Variants in IFNAR2 observed in about 807,000 individuals in gnomAD.
IFNAR2 encodes interferon alpha/beta receptor 2.
In IFNAR2, 30 loss-of-function variants were observed where a neutral mutation model predicts 49.4. That is an observed-to-expected ratio of 0.61 (90% CI 0.45 to 0.82). IFNAR2 has a LOEUF of 0.82. IFNAR2 is among the 40% of genes least tolerant of loss of function. The pLI, the probability that IFNAR2 is intolerant of heterozygous loss-of-function variation, is 0.00. For missense variants in IFNAR2, 600 were observed against 622.7 expected, an observed-to-expected ratio of 0.96 and a Z score of 0.39; for synonymous variants, 224 against 234.5, an observed-to-expected ratio of 0.96 and a Z score of 0.41.
At chr21:33,261,034 C>CTTT (rs1568895677) in intron 8 of IFNAR2, among the ~76,000 whole-genome samples, 1 of 89,618 alleles carries the variant, frequency 1.1e-5, no homozygotes, top group Non-Finnish European at 2.2e-5. Flanking sequence ...TGTTTTCTTT[C>CTTT]CTTTTTTTTT....
intron 1 of IFNAR2, among the ~76,000 whole-genome samples, chr21:33,232,334 C>T (rs1018366633): frequency 2.6e-5 from 4 of 151,950 alleles, no homozygotes; most frequent in Non-Finnish European, 4.4e-5. Flanking sequence ...AGGTAATTGG[C>T]AGAGGAGGTT....
chr21:33,252,872 T>G, intron 7 of IFNAR2, 42 bp downstream of exon 7: 1 of 1,455,182 alleles, frequency 6.9e-7, no homozygotes, highest in Non-Finnish European at 9.7e-7. Context: ...GTATTCATGC[T>G]TTTACTCTGA....
rs201378646 is a variant in IFNAR2, at chr21:33,263,074, T to G, written c.1122T>G (p.Asp374Glu). The change falls in exon 9 of 9, where the codon GAT becomes GAG. Residue 374 changes from aspartate (D) to glutamate (E), a missense_variant. Coordinates refer to ENST00000342136, the MANE Select transcript of IFNAR2 (RefSeq NM_001289125.3). The part of the protein sequence containing the change: ...SEEEPDLPEV[D>E]VELPTMPKDS... ...AGGAGCCTGACCTGCCTGAGGTTGATGTGGAGCTCCCCACGATGCCAAAGG... is the reference window on the plus strand; with the variant it reads ...AGGAGCCTGACCTGCCTGAGGTTGAGGTGGAGCTCCCCACGATGCCAAAGG... 1.2e-6 allele frequency: 2 copies of G among 1,614,142 alleles called. No homozygotes were observed. The highest frequency in any genetic ancestry group is 2.7e-5 in the African/African-American group (2 of 75,022).
intron 7 of IFNAR2, among the ~76,000 whole-genome samples, chr21:33,254,051 C>CT (rs1369505934): frequency 6.6e-6 from 1 of 152,166 alleles, no homozygotes; most frequent in Non-Finnish European, 1.5e-5. Context: ...ATGGAAGTAT[C>CT]TTTAATGTTC....
rs148519443 is a variant in IFNAR2, at chr21:33,248,312, G to A, written c.395-397G>A. Among the ~76,000 whole-genome samples, 858 of 132,978 alleles carry A rather than the reference G, an allele frequency of 6.5e-3. 5 individuals are homozygous for A. The highest frequency in any genetic ancestry group is 0.023 in the African/African-American group (820 of 36,102). 87.2% of individuals were successfully genotyped at this position (132,978 alleles called of 152,430 possible). ...ACTTGAGCTCAGGAGTTCAAGACCA[G>A]CCCGAGCAACATGGGGAAACCCTAT... On this transcript the variant is annotated intron_variant, in intron 5 of 8. Transcript: ENST00000342136.
intron 2 of IFNAR2, 55 bp downstream of exon 2, chr21:33,242,032 C>G: frequency 6.5e-7 from 1 of 1,528,356 alleles, no homozygotes; most frequent in African/African-American, 1.4e-5. Flanking sequence ...ATGCCATCCT[C>G]ACTGAGAGCA....
intron 7 of IFNAR2, among the ~76,000 whole-genome samples, chr21:33,260,234 AC>A (rs1988473476): frequency 6.6e-6 from 1 of 152,170 alleles, no homozygotes; most frequent in Non-Finnish European, 1.5e-5. Flanking sequence ...GCGCATGCTA[AC>A]CAGTGTGGCT....
intron 7 of IFNAR2, among the ~76,000 whole-genome samples, chr21:33,253,956 G>C (rs1031298218): frequency 1.3e-5 from 2 of 152,148 alleles, no homozygotes; most frequent in African/African-American, 2.4e-5. Flanking sequence ...TGCCTAGACT[G>C]TCTGGGAATG....
intron 2 of IFNAR2, among the ~76,000 whole-genome samples, chr21:33,243,423 G>A (rs748873710): frequency 1.3e-5 from 2 of 152,110 alleles, no homozygotes; most frequent in Non-Finnish European, 2.9e-5. Context: ...GCAGAACAGG[G>A]ACCGTACATA....
chr21:33,243,796 G>A, intron 3 of IFNAR2, 82 bp downstream of exon 3: 1 of 988,848 alleles, frequency 1.0e-6, no homozygotes, highest in South Asian at 1.3e-5. Flanking sequence ...TAAAATGTGG[G>A]AGATTTGATT....
Position 33,248,800 on chromosome 21 carries a change from A to G in IFNAR2, c.486A>G (p.Leu162=). The change falls in exon 6 of 9, where the codon TTA becomes TTG. Residue 162 remains leucine, a synonymous_variant. Transcript: ENST00000342136. The stretch of plus-strand genomic sequence containing the variant: ...TTCCATCTATTGTTGAGGAAGAATT[A>G]CAGTTTGATTTATCTCTCGTCATTG... ...VKFPSIVEEE[L]QFDLSLVIEE... 6.2e-7 allele frequency: 1 copy of G among 1,611,342 alleles called. No homozygotes were observed. The highest frequency in any genetic ancestry group is 1.1e-5 in the South Asian group (1 of 90,604).
rs17860135 is a variant in IFNAR2, at chr21:33,234,485, A to G, written c.-84+4269A>G. Among the ~76,000 whole-genome samples the G allele has an allele frequency of 1.1e-3, 168 of 152,232 alleles. 1 individual carries two copies. Among genetic ancestry groups the G allele is most frequent in the African/African-American group, 3.5e-3 (144 of 41,516 alleles). ...TCTGAATCCACTTCATTCATTATTC[A>G]TTGCCTCCTTGACAATGTGCATCAG... is the stretch of plus-strand genomic sequence containing the variant. On this transcript the variant is annotated intron_variant, in intron 1 of 8. Transcript: ENST00000342136.
At chr21:33,248,390 GA>G (rs1280168393) in intron 5 of IFNAR2, among the ~76,000 whole-genome samples, 1 of 107,778 alleles carries the variant, frequency 9.3e-6, no homozygotes, top group Non-Finnish European at 1.8e-5. Context: ...GGGAGGGAGG[GA>G]GGGGGGGAGA....
intron 6 of IFNAR2, among the ~76,000 whole-genome samples, chr21:33,249,138 G>A (rs1206705583): frequency 6.6e-6 from 1 of 152,128 alleles, no homozygotes; most frequent in East Asian, 1.9e-4. Flanking sequence ...AAGGTCAGGA[G>A]TTTGAGACCA....
chr21:33,243,608 A>C (rs1314275849), intron 2 of IFNAR2, 65 bp from the exon 3 acceptor site: 13 of 1,336,584 alleles, frequency 9.7e-6, no homozygotes, highest in Non-Finnish European at 4.3e-6. Flanking sequence ...TCAGACTTAG[A>C]GTAATCATTG....
Position 33,230,032 on chromosome 21 carries a change from T to A in IFNAR2, c.-268T>A, listed in dbSNP as rs1985911464. 1 of 985,182 alleles carries A rather than the reference T, an allele frequency of 1.0e-6. No individual in the cohort carries two copies. The highest frequency in any genetic ancestry group is 1.8e-5 in the African/African-American group (1 of 57,108). The allele number at this position is 985,182 out of a possible 1,614,324, so 61.0% of individuals were successfully genotyped here. A position where few individuals can be genotyped will look rare whatever the true frequency, so the allele number is the denominator to read the frequency against. On this transcript the variant is annotated 5_prime_UTR_variant, in exon 1 of 9. Transcript: ENST00000342136. This position sits in a 1 kb window ranked among gnomAD's most constrained non-coding sequence, Gnocchi z 5.5. Reference sequence around the variant, plus strand: ...GAATCCCGCCGGCGAGCCGAACAGTTCCCCGAGCGCAGCCCGCGGACCACC... The same window carrying A: ...GAATCCCGCCGGCGAGCCGAACAGTACCCCGAGCGCAGCCCGCGGACCACC...
intron 6 of IFNAR2, among the ~76,000 whole-genome samples, chr21:33,251,163 A>G (rs1202451494): frequency 6.6e-6 from 1 of 152,182 alleles, no homozygotes; most frequent in African/African-American, 2.4e-5. Context: ...GAGCCCAGGA[A>G]CATTCCAAAA....
chr21:33,240,069 A>C (rs1016032877), intron 1 of IFNAR2, among the ~76,000 whole-genome samples: 1 of 152,068 alleles, frequency 6.6e-6, no homozygotes, highest in African/African-American at 2.4e-5. Flanking sequence ...TCTGGGCCCC[A>C]GAGTGGTCAC....
In IFNAR2 at chr21:33,244,970, C is replaced by A. The variant is rs1164631131; in HGVS notation, c.117C>A (p.Cys39Ter). 5 of 1,612,404 alleles carry A rather than the reference C, an allele frequency of 3.1e-6. No homozygotes were observed. The highest frequency in any genetic ancestry group is 4.2e-6 in the Non-Finnish European group (5 of 1,178,686). Residue 39 changes from cysteine (C) to a stop codon, truncating the protein, a stop_gained, in exon 4 of 9, where the codon TGC becomes TGA. Transcript: ENST00000342136. LOFTEE classifies it high-confidence loss of function. ...CTTTAGATTACACAGATGAATCTTG[C>A]ACTTTCAAGATATCATTGCGAAATT... ...YDSPDYTDES[C>*]TFKISLRNFR...
Sources: gnomAD v4.1 joint callset for allele counts (sites outside exome capture counted in the v4.1 genomes callset) on GRCh38, gnomAD v4.1.1 for gene constraint, Gnocchi (gnomAD v3.1) non-coding constraint, MANE v1.5 for transcripts, NCBI Gene and HGNC (gene_info 2026-07-23, HGNC 2026-07-21) for gene names.